The following MDH2 variants were observed in gnomAD, a reference collection of about 807,000 sequenced individuals.
MDH2 encodes malate dehydrogenase, mitochondrial.
A neutral mutation model predicts 33.6 loss-of-function variants in MDH2; 25 were observed. The ratio of observed to expected loss-of-function variants is 0.74; its 90% CI spans 0.54 to 1.04. MDH2 has a LOEUF of 1.04. Ranked by LOEUF, MDH2 falls within the 50% of genes least tolerant of loss-of-function variation. The probability of loss-of-function intolerance (pLI) is 0.00; values close to 1 mark genes in which losing one functional copy is unlikely to be tolerated. For missense variants in MDH2, 432 were observed against 445.0 expected, an observed-to-expected ratio of 0.97 and a Z score of 0.26; for synonymous variants, 193 against 188.7, an observed-to-expected ratio of 1.02 and a Z score of -0.19.
Position 76,060,414 on chromosome 7 carries a change from G to A in MDH2, c.471G>A (p.Lys157=). ...TIPITAEVFK[K]HGVYNPNKIF... ...CCATCACAGCAGAAGTTTTCAAGAA[G>A]CATGGAGTGTACAACCCCAACAAAA... Residue 157 remains lysine, a synonymous_variant, in exon 5 of 9, where the codon AAG becomes AAA. Coordinates refer to ENST00000315758, the MANE Select transcript of MDH2 (RefSeq NM_005918.4). The A allele has an allele frequency of 6.2e-7, 1 of 1,614,152 alleles. No homozygotes were observed.
chr7:76,058,683 G>A lies in MDH2; in HGVS notation c.429+605G>A, dbSNP rs112720628. Among the ~76,000 whole-genome samples, 705 of 152,220 alleles carry A rather than the reference G, an allele frequency of 4.6e-3. 4 individuals are homozygous for A. Among genetic ancestry groups the A allele is most frequent in the South Asian group, 0.018 (86 of 4,820 alleles). On this transcript the variant is annotated intron_variant, in intron 4 of 8. Coordinates refer to ENST00000315758, the MANE Select transcript of MDH2 (RefSeq NM_005918.4). ...TTTAGTCAGGAACTTCCACCTTCTC[G>A]CTTAAGGGAAGTACTTAATGGCTTC... is the stretch of plus-strand genomic sequence containing the variant.
At chr7:76,056,623 A>G (rs1309499537) in intron 2 of MDH2, among the ~76,000 whole-genome samples, 1 of 152,260 alleles carries the variant, frequency 6.6e-6, no homozygotes, top group Non-Finnish European at 1.5e-5. Context: ...CTTTGAAAAC[A>G]TACTTTTTCC....
chr7:76,054,949 C>A lies in MDH2; in HGVS notation c.186C>A (p.Pro62=), dbSNP rs142434438. 9 of 1,614,082 alleles carry A rather than the reference C, an allele frequency of 5.6e-6. No individual in the cohort carries two copies. Among genetic ancestry groups the A allele is most frequent in the Non-Finnish European group, 7.6e-6 (9 of 1,180,000 alleles). ...RLTLYDIAHT[P]GVAADLSHIE... ...CCCTCTATGATATCGCGCACACACC[C>A]GGAGTGGCCGCAGATCTGAGCCACA... The change falls in exon 2 of 9, where the codon CCC becomes CCA. Residue 62 remains proline, a synonymous_variant. Coordinates refer to ENST00000315758, the MANE Select transcript of MDH2 (RefSeq NM_005918.4).
In MDH2 at chr7:76,054,905, C is replaced by A. The variant is rs1554585972; in HGVS notation, c.142C>A (p.Pro48Thr). The stretch of plus-strand genomic sequence containing the variant: ...ACTTTCACTTCTCCTGAAGAACAGC[C>A]CCTTGGTGAGCCGCCTGACCCTCTA... ...QPLSLLLKNSPLVSRLTLYDI... is the reference protein window; with the variant it reads ...QPLSLLLKNSTLVSRLTLYDI... The change falls in exon 2 of 9, where the codon CCC becomes ACC. Residue 48 changes from proline to threonine, a missense_variant. By Grantham distance (38) the Pro-to-Thr change is conservative. Transcript: ENST00000315758. 1.2e-6 allele frequency: 2 copies of A among 1,614,154 alleles called. No individual in the cohort carries two copies. The highest frequency in any genetic ancestry group is 3.3e-5 in the Admixed American group (2 of 60,014).
intron 1 of MDH2, among the ~76,000 whole-genome samples, chr7:76,053,646 A>C (rs1797683853): frequency 6.6e-6 from 1 of 152,098 alleles, no homozygotes; most frequent in Admixed American, 6.6e-5. Flanking sequence ...GCTACTGTAG[A>C]AGACTGTGCA....
intron 4 of MDH2, among the ~76,000 whole-genome samples, chr7:76,059,314 G>A (rs1797876068): frequency 6.6e-6 from 1 of 152,170 alleles, no homozygotes; most frequent in Non-Finnish European, 1.5e-5. Context: ...ACTGACTGCT[G>A]GTAATTAACA....
intron 1 of MDH2, chr7:76,048,989 G>GGGC (rs1797475032): frequency 6.9e-6 from 2 of 288,202 alleles, no homozygotes; most frequent in Non-Finnish European, 8.4e-6. Context: ...TGCGGGGGGG[G>GGGC]GGGGGGGGGT....
rs1554586827 is a variant in MDH2 at position 76,060,420 on chromosome 7, A to C, written c.477A>C (p.Gly159=). 6.2e-7 allele frequency: 1 copy of C among 1,614,142 alleles called. No individual in the cohort carries two copies. Among genetic ancestry groups the C allele is most frequent in the Non-Finnish European group, 8.5e-7 (1 of 1,180,030 alleles). Residue 159 remains glycine, a synonymous_variant, in exon 5 of 9, where the codon GGA becomes GGC. Coordinates refer to ENST00000315758, the MANE Select transcript of MDH2 (RefSeq NM_005918.4). ...CAGCAGAAGTTTTCAAGAAGCATGG[A>C]GTGTACAACCCCAACAAAATCTTCG... ...PITAEVFKKH[G]VYNPNKIFGV...
chr7:76,062,825 G>C (rs1435918273), intron 5 of MDH2, among the ~76,000 whole-genome samples: 3 of 152,154 alleles, frequency 2.0e-5, no homozygotes, highest in African/African-American at 7.2e-5. Flanking sequence ...GGATCATTGA[G>C]TCCAGGAGGC....
chr7:76,057,406 C>T lies in MDH2; in HGVS notation c.236-4C>T. 1 of 1,614,094 alleles carries T rather than the reference C, an allele frequency of 6.2e-7. No individual in the cohort carries two copies. The highest frequency in any genetic ancestry group is 8.5e-7 in the Non-Finnish European group (1 of 1,180,016). Reference sequence around the variant, plus strand: ...ACATTTCTCTTGTGGGGTGTTTGTTCTAGGCTACCTCGGACCTGAACAGCT... The same window carrying T: ...ACATTTCTCTTGTGGGGTGTTTGTTTTAGGCTACCTCGGACCTGAACAGCT... On this transcript the variant is annotated splice_region_variant and splice_polypyrimidine_tract_variant and intron_variant, in intron 2 of 8. Coordinates refer to ENST00000315758, the MANE Select transcript of MDH2 (RefSeq NM_005918.4).
At chr7:76,058,427 A>G (rs547930469) in intron 4 of MDH2, among the ~76,000 whole-genome samples, 1 of 152,250 alleles carries the variant, frequency 6.6e-6, no homozygotes, top group East Asian at 1.9e-4. Flanking sequence ...TTTTTGACAC[A>G]GTAGCTCCTA....
At chr7:76,055,757 T>C (rs1797756649) in intron 2 of MDH2, among the ~76,000 whole-genome samples, 1 of 151,806 alleles carries the variant, frequency 6.6e-6, no homozygotes, top group Non-Finnish European at 1.5e-5. Flanking sequence ...AAAAAAAATT[T>C]CATAAATATG....
intron 2 of MDH2, among the ~76,000 whole-genome samples, chr7:76,055,237 G>T (rs1797734181): frequency 6.6e-6 from 1 of 152,092 alleles, no homozygotes; most frequent in African/African-American, 2.4e-5. Context: ...TTTCTAATTT[G>T]AAAAGTAGTA....
At position 76,066,395 on chromosome 7, in the gene MDH2, GA is replaced by G. The variant is rs1289718858; in HGVS notation, c.1004del (p.Lys335ArgfsTer3). On this transcript the variant is annotated frameshift_variant, in exon 9 of 9. Transcript: ENST00000315758. LOFTEE classifies it high-confidence loss of function. Reference protein sequence around the residue: ...ASIKKGEDFVKTLK With the variant: ...ASIKKGEDFVXTLK ...CCATCAAGAAGGGGGAAGATTTCGT[GA>G]AGACCCTGAAGTGAGCCGCTGTGAC... is the stretch of plus-strand genomic sequence containing the variant. 4 of 1,611,472 alleles carry G rather than the reference GA, an allele frequency of 2.5e-6. No individual in the cohort carries two copies. The highest frequency in any genetic ancestry group is 3.4e-6 in the Non-Finnish European group (4 of 1,179,218).
rs782672155 is a variant in MDH2, at chr7:76,064,400, A to C, written c.695A>C (p.Glu232Ala). Residue 232 changes from glutamate (E) to alanine (A), a missense_variant, in exon 7 of 9, where the codon GAG (glutamate) becomes GCG (alanine). Glu to Ala is a moderately radical substitution (Grantham distance 107, BLOSUM62 -1). Transcript: ENST00000315758. ...ACAGCACTCACTGGGCGGATCCAGG[A>C]GGCCGGCACGGAGGTGGTCAAGGCT... ...QLTALTGRIQ[E>A]AGTEVVKAKA... The C allele has an allele frequency of 6.2e-7, 1 of 1,613,686 alleles. No homozygotes were observed. Among genetic ancestry groups the C allele is most frequent in the South Asian group, 1.1e-5 (1 of 90,938 alleles).
rs782135077 is a variant in MDH2, at chr7:76,066,555, C to CAAAT, written c.*145_*146insAAAT. On this transcript the variant is annotated 3_prime_UTR_variant, in exon 9 of 9. Transcript: ENST00000315758. ...CATGCCTTCCAAATTGTGGGTGGCTCTGTGGGCGCATCAATAAAAGCCGTC... is the reference window on the plus strand; with the variant it reads ...CATGCCTTCCAAATTGTGGGTGGCTCAAATTGTGGGCGCATCAATAAAAGCCGTC... The CAAAT allele has an allele frequency of 5.1e-4, 508 of 989,330 alleles. No homozygotes were observed. Among genetic ancestry groups the CAAAT allele is most frequent in the Non-Finnish European group, 6.8e-4 (490 of 723,652 alleles). The allele number at this position is 989,330 out of a possible 1,614,324, so 61.3% of individuals were successfully genotyped here.
intron 1 of MDH2, among the ~76,000 whole-genome samples, chr7:76,051,309 A>G (rs1269360311): frequency 6.7e-6 from 1 of 149,452 alleles, no homozygotes; most frequent in Non-Finnish European, 1.5e-5. Flanking sequence ...AGTGGTCTCC[A>G]GACTTTGGAT....
At chr7:76,064,160 G>T (rs141806787) in intron 6 of MDH2, among the ~76,000 whole-genome samples, 179 bp from the exon 7 acceptor site, 155 of 151,820 alleles carry the variant, frequency 1.0e-3, no homozygotes, top group African/African-American at 3.5e-3. Flanking sequence ...CATAGGCAGT[G>T]TGCCCAGAAT....
At chr7:76,061,616 C>A (rs374983582) in intron 5 of MDH2, among the ~76,000 whole-genome samples, 3 of 150,478 alleles carry the variant, frequency 2.0e-5, no homozygotes, top group African/African-American at 7.4e-5. Flanking sequence ...CTCCAGCCTG[C>A]GTGACAGAGC....
Sources: gnomAD v4.1 joint callset for allele counts (sites outside exome capture counted in the v4.1 genomes callset) on GRCh38, gnomAD v4.1.1 for gene constraint, MANE v1.5 for transcripts, NCBI Gene and HGNC (gene_info 2026-07-23, HGNC 2026-07-21) for gene names.